Variants in ENPP3 observed in about 807,000 individuals in gnomAD.
ENPP3 encodes ectonucleotide pyrophosphatase/phosphodiesterase family member 3.
Under a neutral mutation model 117.8 loss-of-function variants are expected in ENPP3, and 104 were observed. That is an observed-to-expected ratio of 0.88 (90% CI 0.75 to 1.04). The LOEUF is 1.04. Among genes scored for constraint, ENPP3 ranks in the 50% least tolerant of loss-of-function variants. The probability of loss-of-function intolerance (pLI) is 0.00; values close to 1 mark genes in which losing one functional copy is unlikely to be tolerated. For synonymous variants in ENPP3, 380 were observed against 349.9 expected (o/e 1.09, Z -0.96); for missense variants, 1,026 against 1,051.9 (o/e 0.98, Z 0.34).
At chr6:131,675,583 T>G (rs1778849108) in intron 9 of ENPP3, among the ~76,000 whole-genome samples, 1 of 152,056 alleles carries the variant, frequency 6.6e-6, no homozygotes, top group African/African-American at 2.4e-5. Flanking sequence ...ATCCCAGCAG[T>G]TTGGGAGGCT....
intron 12 of ENPP3, among the ~76,000 whole-genome samples, chr6:131,684,694 A>T (rs1378474022): frequency 6.6e-6 from 1 of 152,178 alleles, no homozygotes; most frequent in Non-Finnish European, 1.5e-5. Flanking sequence ...AAAAAAAAAA[A>T]AAATTCATGT....
chr6:131,722,278 A>T lies in ENPP3; in HGVS notation c.1619A>T (p.Asn540Ile), dbSNP rs1780050941. The change falls in exon 18 of 25, where the codon AAC becomes ATC. Residue 540 changes from asparagine to isoleucine, a missense_variant. Coordinates refer to ENST00000357639, the MANE Select transcript of ENPP3 (RefSeq NM_005021.5). ...AACAATGGAACCCATGGTAGTTTAA[A>T]CCATCTTCTGAAGGTGCCTTTTTAT... ...APNNGTHGSL[N>I]HLLKVPFYEP... The T allele has an allele frequency of 6.2e-7, 1 of 1,613,962 alleles. No individual in the cohort carries two copies.
chr6:131,643,762 T>A (rs1778100919), intron 2 of ENPP3, among the ~76,000 whole-genome samples: 1 of 152,152 alleles, frequency 6.6e-6, no homozygotes, highest in Admixed American at 6.5e-5. Context: ...ATTATTACAA[T>A]TACTGGAGAT....
chr6:131,676,656 A>G (rs1158268696), intron 9 of ENPP3, 80 bp from the exon 10 acceptor site: 1 of 950,220 alleles, frequency 1.1e-6, no homozygotes, highest in Non-Finnish European at 1.7e-6. Context: ...TGAAGATATT[A>G]AACTTTCTGA....
intron 15 of ENPP3, chr6:131,700,869 CA>C (rs763408926): frequency 2.7e-6 from 3 of 1,093,674 alleles, no homozygotes; most frequent in Non-Finnish European, 3.8e-6. Context: ...CAAGATTTCA[CA>C]AAAAAAGTGA....
rs536069377 is a variant in ENPP3 at position 131,685,962 on chromosome 6, C to G, written c.1284+55C>G. ...TTTAAGTTAATGCAATGACCTTAAT[C>G]TGGGTTTTTGAGAAATTCATATTGT... is the stretch of plus-strand genomic sequence containing the variant. On this transcript the variant is annotated intron_variant, in intron 14 of 24. Transcript: ENST00000357639. 11 of 574,114 alleles carry G rather than the reference C, an allele frequency of 1.9e-5. No homozygotes were observed. In the African/African-American group the frequency reaches 2.1e-4, roughly 11 times the overall value. The allele number at this position is 574,114 out of a possible 1,614,324, so 35.6% of individuals were successfully genotyped here. A position where few individuals can be genotyped will look rare whatever the true frequency, so the allele number is the denominator to read the frequency against.
intron 20 of ENPP3, among the ~76,000 whole-genome samples, chr6:131,729,102 GTCTA>G (rs946658737): frequency 1.0e-4 from 15 of 150,410 alleles, no homozygotes; most frequent in African/African-American, 3.7e-4. Context: ...ATAGCTATAT[GTCTA>G]TCTATCTGTC....
intron 15 of ENPP3, among the ~76,000 whole-genome samples, chr6:131,716,180 A>T (rs1779884611): frequency 6.6e-6 from 1 of 152,208 alleles, no homozygotes; most frequent in South Asian, 2.1e-4. Context: ...AATATTTCAT[A>T]TGGGACTTGG....
chr6:131,689,280 T>TAGAGA (rs1229900049), intron 14 of ENPP3, among the ~76,000 whole-genome samples: 2 of 152,178 alleles, frequency 1.3e-5, no homozygotes, highest in Admixed American at 1.3e-4. Context: ...CTTTCATAGC[T>TAGAGA]AGAGAAGAGA....
Position 131,685,509 on chromosome 6 carries a change from C to A in ENPP3, c.1252+14C>A, listed in dbSNP as rs561226767. On this transcript the variant is annotated intron_variant, in intron 13 of 24. Coordinates refer to ENST00000357639, the MANE Select transcript of ENPP3 (RefSeq NM_005021.5). ...ACTTTTTTAGTTGTAAGTATGAAGA[C>A]ACCTATATGAAAAAAAGGGTAAACC... 5 of 1,607,380 alleles carry A rather than the reference C, an allele frequency of 3.1e-6. No individual in the cohort carries two copies. Among genetic ancestry groups the A allele is most frequent in the Admixed American group, 3.4e-5 (2 of 58,412 alleles).
At chr6:131,649,294 G>C (rs1174991909) in intron 2 of ENPP3, among the ~76,000 whole-genome samples, 3 of 151,992 alleles carry the variant, frequency 2.0e-5, no homozygotes, top group African/African-American at 7.2e-5. Context: ...CTCTTTAATG[G>C]CTTCCTGTTA....
At chr6:131,746,731 G>A (rs1780642652) in intron 24 of ENPP3, 55 bp from the exon 25 acceptor site, 1 of 1,497,630 alleles carries the variant, frequency 6.7e-7, no homozygotes, top group Non-Finnish European at 9.1e-7. Context: ...AAATATTTCT[G>A]TTCATGAAAA....
rs189510201 is a variant in ENPP3 at position 131,723,965 on chromosome 6, C to T, written c.1747-75C>T. 148 of 1,050,834 alleles carry T rather than the reference C, an allele frequency of 1.4e-4. No individual in the cohort carries two copies. The African/African-American group carries it at 2.2e-3, about 15-fold the overall frequency. The allele number at this position is 1,050,834 out of a possible 1,614,324, so 65.1% of individuals were successfully genotyped here. A position where few individuals can be genotyped will look rare whatever the true frequency, so the allele number is the denominator to read the frequency against. ...TTTAATCGATTACTACAGAAACAATCTTGATTACCCCTTAAAACACATATT... is the reference window on the plus strand; with the variant it reads ...TTTAATCGATTACTACAGAAACAATTTTGATTACCCCTTAAAACACATATT... On this transcript the variant is annotated intron_variant, in intron 18 of 24. Coordinates refer to ENST00000357639, the MANE Select transcript of ENPP3 (RefSeq NM_005021.5).
chr6:131,723,911 G>A, intron 18 of ENPP3, 129 bp from the exon 19 acceptor site: 3 of 624,390 alleles, frequency 4.8e-6, no homozygotes, highest in East Asian at 3.1e-5. Flanking sequence ...AGAATCTTAA[G>A]TTAGGCTAGC....
chr6:131,671,450 T>C, intron 7 of ENPP3, 123 bp downstream of exon 7: 1 of 669,396 alleles, frequency 1.5e-6, no homozygotes, highest in Admixed American at 2.5e-5. Context: ...GGGGGGATAG[T>C]TCATGGCTGA....
chr6:131,668,542 C>G (rs1010253999), intron 6 of ENPP3, among the ~76,000 whole-genome samples: 2 of 152,088 alleles, frequency 1.3e-5, no homozygotes, highest in Admixed American at 1.3e-4. Flanking sequence ...TGTACATTCT[C>G]TGGTTGCTTT....
intron 7 of ENPP3, among the ~76,000 whole-genome samples, chr6:131,671,759 T>A (rs999522317): frequency 6.6e-6 from 1 of 152,170 alleles, no homozygotes; most frequent in Non-Finnish European, 1.5e-5. Flanking sequence ...GAATTCACAC[T>A]GTCTACATCT....
chr6:131,730,123 A>G (rs12110547), intron 20 of ENPP3, among the ~76,000 whole-genome samples: 13,414 of 152,194 alleles, frequency 0.088, 1,917 homozygotes, highest in African/African-American at 0.3. Flanking sequence ...TATACTGTAT[A>G]TTTCTTCAAG....
chr6:131,704,474 C>CTTTT (rs1192267696), intron 15 of ENPP3, among the ~76,000 whole-genome samples: 77 of 126,190 alleles, frequency 6.1e-4, no homozygotes, highest in South Asian at 7.4e-4. Flanking sequence ...TGAAAATTTT[C>CTTTT]TTTTTTTTTT....
Sources: allele counts gnomAD v4.1 joint callset (sites outside exome capture counted in the v4.1 genomes callset), GRCh38; gene constraint gnomAD v4.1.1; transcripts MANE v1.5; gene names NCBI Gene and HGNC (gene_info 2026-07-23, HGNC 2026-07-21).